The following ASGR2 variants were observed in gnomAD, a reference collection of about 807,000 sequenced individuals.
The protein encoded by ASGR2 is asialoglycoprotein receptor 2.
Under a neutral mutation model 32.3 loss-of-function variants are expected in ASGR2, and 34 were observed. The ratio of observed to expected loss-of-function variants is 1.05; its 90% CI spans 0.80 to 1.40. The LOEUF is 1.40. ASGR2 is among the 40% of genes most tolerant of loss of function. The probability of loss-of-function intolerance (pLI) is 0.00; values close to 1 mark genes in which losing one functional copy is unlikely to be tolerated. For missense variants in ASGR2, 385 were observed against 386.4 expected, an observed-to-expected ratio of 1.00 and a Z score of 0.03; for synonymous variants, 143 against 150.0, an observed-to-expected ratio of 0.95 and a Z score of 0.34.
At position 7,111,258 on chromosome 17, in the gene ASGR2, T is replaced by C. The variant is rs185075090; in HGVS notation, c.125-2370A>G. On this transcript the variant is annotated intron_variant, in intron 2 of 8. Transcript: ENST00000691900. ...GCAGGCAAGGATGGTAAAACAGATA[T>C]TATAGCCATATCCCATTATGTTCAA... Among the ~76,000 whole-genome samples the C allele has an allele frequency of 3.9e-3, 591 of 152,278 alleles. 6 individuals carry two copies. The highest frequency in any genetic ancestry group is 0.013 in the African/African-American group (555 of 41,552).
rs371346128 is a variant in ASGR2 at position 7,101,600 on chromosome 17, C to A, written c.896G>T (p.Arg299Leu). Reference sequence around the variant, plus strand: ...TCAGGCCACCTCGCCGGTGGCATTCCGCCTTTTCTCACACACCCAGCGGTA... The same window carrying A: ...TCAGGCCACCTCGCCGGTGGCATTCAGCCTTTTCTCACACACCCAGCGGTA... ...QVYRWVCEKR[R>L]NATGEVA is the part of the protein sequence containing the mutation. Residue 299 changes from arginine (R) to leucine (L), a missense_variant, in exon 9 of 9, where the codon CGG becomes CTG. By Grantham distance (102) the Arg-to-Leu change is moderately radical. Coordinates refer to ENST00000691900, the MANE Select transcript of ASGR2 (RefSeq NM_001201352.2). 9.3e-6 allele frequency: 15 copies of A among 1,614,048 alleles called. No individual in the cohort carries two copies. The highest frequency in any genetic ancestry group is 1.3e-5 in the African/African-American group (1 of 74,930).
In ASGR2 at chr17:7,113,651, C is replaced by A. The variant is rs1915077484; in HGVS notation, c.124+466G>T. On this transcript the variant is annotated intron_variant, in intron 2 of 8. Coordinates refer to ENST00000691900, the MANE Select transcript of ASGR2 (RefSeq NM_001201352.2). This position sits in a 1 kb window ranked among gnomAD's most constrained non-coding sequence, Gnocchi z 5.1. ...AGATACACACACAACACACAACATA[C>A]ACTCACACACAAGATACACACAACA... Among the ~76,000 whole-genome samples, 1 of 151,664 alleles carries A rather than the reference C, an allele frequency of 6.6e-6. No homozygotes were observed. The highest frequency in any genetic ancestry group is 6.6e-5 in the Admixed American group (1 of 15,212).
In ASGR2 at chr17:7,108,325, TATAC is replaced by T; in HGVS notation, c.337+133_337+136del. 4 of 894,496 alleles carry T rather than the reference TATAC, an allele frequency of 4.5e-6. No homozygotes were observed. Among genetic ancestry groups the T allele is most frequent in the Non-Finnish European group, 6.7e-6 (4 of 592,750 alleles). 55.4% of individuals were successfully genotyped at this position (894,496 alleles called of 1,614,324 possible). ...CGTCCGTCCCCACCTGCCTCCCTCC[TATAC>T]ATCCCCCAGGGCCCCTGGACGCCTT... On this transcript the variant is annotated intron_variant, in intron 4 of 8. Transcript: ENST00000691900. The surrounding 1 kb of genome is among the most constrained non-coding windows in gnomAD (Gnocchi z 4.9).
intron 7 of ASGR2, among the ~76,000 whole-genome samples, chr17:7,105,814 A>C (rs1244330135): frequency 1.4e-5 from 2 of 147,140 alleles, no homozygotes; most frequent in African/African-American, 2.5e-5. Flanking sequence ...TTTGAGTCAG[A>C]GTCTCGCACT....
At position 7,114,011 on chromosome 17, in the gene ASGR2, T is replaced by C. The variant is rs1025552145; in HGVS notation, c.124+106A>G. The C allele has an allele frequency of 2.0e-5, 30 of 1,515,494 alleles. No homozygotes were observed. Among genetic ancestry groups the C allele is most frequent in the Admixed American group, 3.7e-5 (2 of 53,472 alleles). The allele number at this position is 1,515,494 out of a possible 1,614,324, so 93.9% of individuals were successfully genotyped here. On this transcript the variant is annotated intron_variant, in intron 2 of 8. Coordinates refer to ENST00000691900, the MANE Select transcript of ASGR2 (RefSeq NM_001201352.2). The surrounding 1 kb of genome is among the most constrained non-coding windows in gnomAD (Gnocchi z 4.5). ...GGGAACAAGCGGGGGTGTCGGGCCC[T>C]CCTCAGTCCCTGTTCACAGAGTGGG... is the stretch of plus-strand genomic sequence containing the variant.
At position 7,107,993 on chromosome 17, in the gene ASGR2, G is replaced by C. The variant is rs1914083156; in HGVS notation, c.338-86C>G. 1.3e-6 allele frequency: 2 copies of C among 1,484,706 alleles called. No individual in the cohort carries two copies. The highest frequency in any genetic ancestry group is 3.7e-5 in the Admixed American group (2 of 53,926). The allele number at this position is 1,484,706 out of a possible 1,614,324, so 92.0% of individuals were successfully genotyped here. On this transcript the variant is annotated intron_variant, in intron 4 of 8. Transcript: ENST00000691900. This position sits in a 1 kb window ranked among gnomAD's most constrained non-coding sequence, Gnocchi z 5.0. Reference sequence around the variant, plus strand: ...GGACCGGGGGCCAGCGCCTCGTCCTGGGCGATGCAGGCGTCCACCTCCTGG... The same window carrying C: ...GGACCGGGGGCCAGCGCCTCGTCCTCGGCGATGCAGGCGTCCACCTCCTGG...
chr17:7,112,855 G>C (rs1372859313), intron 2 of ASGR2, among the ~76,000 whole-genome samples: 2 of 151,888 alleles, frequency 1.3e-5, no homozygotes, highest in South Asian at 4.2e-4. Flanking sequence ...CATGGAACCC[G>C]GCTCCACCAC....
At chr17:7,102,917 G>T (rs1403728350) in intron 7 of ASGR2, among the ~76,000 whole-genome samples, 2 of 152,178 alleles carry the variant, frequency 1.3e-5, no homozygotes, top group South Asian at 4.1e-4. Flanking sequence ...AGGGGCTTGG[G>T]TGAAAGTGGA....
In ASGR2 at chr17:7,108,780, C is replaced by G; in HGVS notation, c.233G>C (p.Gly78Ala). 6.2e-7 allele frequency: 1 copy of G among 1,614,026 alleles called. No individual in the cohort carries two copies. Among genetic ancestry groups the G allele is most frequent in the Non-Finnish European group, 8.5e-7 (1 of 1,179,996 alleles). Reference protein sequence around the residue: ...ILLLVVICVTGSQSAQLQAEL... With the variant: ...ILLLVVICVTASQSAQLQAEL... ...GCCCCCGTGACCCTCACTTTGGGAC[C>G]CAGTCACACAGATGACCACCAGCAG... is the stretch of plus-strand genomic sequence containing the variant. The change falls in exon 3 of 9, where the codon GGG becomes GCG. Residue 78 changes from glycine (G) to alanine (A), a missense_variant. Gly to Ala is a moderately conservative substitution (Grantham distance 60). Transcript: ENST00000691900. The surrounding 1 kb of genome is among the most constrained non-coding windows in gnomAD (Gnocchi z 4.9).
chr17:7,104,613 T>G (rs1316388446), intron 7 of ASGR2, among the ~76,000 whole-genome samples: 1 of 152,092 alleles, frequency 6.6e-6, no homozygotes, highest in East Asian at 1.9e-4. Context: ...ATCGTGTCAC[T>G]GCACTCCAGC....
chr17:7,104,883 G>A (rs969004753), intron 7 of ASGR2, among the ~76,000 whole-genome samples: 59 of 150,928 alleles, frequency 3.9e-4, no homozygotes, highest in Non-Finnish European at 7.1e-4. Context: ...TACTAAGACA[G>A]GAGAATTGCT....
At chr17:7,111,799 G>A (rs1264495791) in intron 2 of ASGR2, among the ~76,000 whole-genome samples, 4 of 151,072 alleles carry the variant, frequency 2.6e-5, no homozygotes, top group Admixed American at 2.6e-4. Context: ...CGACACGGGG[G>A]GAATCACTTG....
Position 7,113,638 on chromosome 17 carries a change from AAC to A in ASGR2, c.124+477_124+478del, listed in dbSNP as rs985229099. On this transcript the variant is annotated intron_variant, in intron 2 of 8. Transcript: ENST00000691900. The surrounding 1 kb of genome is among the most constrained non-coding windows in gnomAD (Gnocchi z 5.1). Reference sequence around the variant, plus strand: ...ACACACATGCACAAGATACACACACAACACACAACATACACTCACACACAAGA... The same window carrying A: ...ACACACATGCACAAGATACACACACAACACAACATACACTCACACACAAGA... Among the ~76,000 whole-genome samples the A allele has an allele frequency of 6.0e-5, 9 of 151,212 alleles. No individual in the cohort carries two copies. The highest frequency in any genetic ancestry group is 2.6e-4 in the Admixed American group (4 of 15,180).
chr17:7,101,796 C>A, intron 8 of ASGR2, 56 bp from the exon 9 acceptor site: 1 of 1,577,718 alleles, frequency 6.3e-7, no homozygotes. Flanking sequence ...AGCGACTTAC[C>A]CATCCTCCTC....
At chr17:7,111,655 C>G (rs1488185256) in intron 2 of ASGR2, among the ~76,000 whole-genome samples, 1 of 139,756 alleles carries the variant, frequency 7.2e-6, no homozygotes, top group Non-Finnish European at 1.5e-5. Flanking sequence ...GACTCCGCCT[C>G]CAAAAAAAAA....
Position 7,101,401 on chromosome 17 carries a change from G to A in ASGR2, c.*174C>T, listed in dbSNP as rs1912784401. The A allele has an allele frequency of 1.5e-6, 1 of 676,118 alleles. No homozygotes were observed. Among genetic ancestry groups the A allele is most frequent in the African/African-American group, 1.8e-5 (1 of 55,602 alleles). The allele number at this position is 676,118 out of a possible 1,614,324, so 41.9% of individuals were successfully genotyped here. On this transcript the variant is annotated 3_prime_UTR_variant, in exon 9 of 9. Coordinates refer to ENST00000691900, the MANE Select transcript of ASGR2 (RefSeq NM_001201352.2). ...TAATAATTACAATGAATTACAGAAG[G>A]AGGTGGGATCTCAGTCCTCCAGGGT...
Position 7,108,259 on chromosome 17 carries a change from C to A in ASGR2, c.337+203G>T, listed in dbSNP as rs563711573. ...CCAAGACATGGTGCCTTCCTCACCT[C>A]CGGGTGTCGCAGATCCAACCTCTCC... On this transcript the variant is annotated intron_variant, in intron 4 of 8. Coordinates refer to ENST00000691900, the MANE Select transcript of ASGR2 (RefSeq NM_001201352.2). The surrounding 1 kb of genome is among the most constrained non-coding windows in gnomAD (Gnocchi z 4.9). Among the ~76,000 whole-genome samples, 1 of 152,086 alleles carries A rather than the reference C, an allele frequency of 6.6e-6. No homozygotes were observed. The highest frequency in any genetic ancestry group is 1.5e-5 in the Non-Finnish European group (1 of 68,020).
chr17:7,105,353 A>C (rs1597377714), intron 7 of ASGR2, among the ~76,000 whole-genome samples: 1 of 152,204 alleles, frequency 6.6e-6, no homozygotes, highest in East Asian at 1.9e-4. Context: ...GGTACTTATT[A>C]GATTTTTAAA....
rs748911594 is a variant in ASGR2 at position 7,101,655 on chromosome 17, G to A, written c.841C>T (p.Arg281Cys). ...TGCAGGCAGAAGTCATCGTTCCAGC[G>A]GCCATCCGGCTGGACTTCAACACAG... Reference protein sequence around the residue: ...EDCVEVQPDGRWNDDFCLQVY... With the variant: ...EDCVEVQPDGCWNDDFCLQVY... The change falls in exon 9 of 9, where the codon CGC (arginine) becomes TGC (cysteine). Residue 281 changes from arginine to cysteine, a missense_variant. Coordinates refer to ENST00000691900, the MANE Select transcript of ASGR2 (RefSeq NM_001201352.2). The A allele has an allele frequency of 1.5e-5, 24 of 1,614,076 alleles. No homozygotes were observed. In the Admixed American group the frequency reaches 2.5e-4, roughly 17 times the overall value.
Sources: allele counts gnomAD v4.1 joint callset (sites outside exome capture counted in the v4.1 genomes callset), GRCh38; gene constraint gnomAD v4.1.1; non-coding constraint Gnocchi (gnomAD v3.1); transcripts MANE v1.5; gene names NCBI Gene and HGNC (gene_info 2026-07-23, HGNC 2026-07-21).